The following CSMD1 variants were observed in gnomAD, a reference collection of about 807,000 sequenced individuals.
CSMD1 encodes CUB and sushi domain-containing protein 1.
A neutral mutation model predicts 417.5 loss-of-function variants in CSMD1; 213 were observed. The observed-to-expected ratio is 0.51, with a 90% CI of 0.46 to 0.57. The LOEUF is 0.57. CSMD1 is among the 20% of genes least tolerant of loss of function. CSMD1 has a pLI of 0.00. For missense variants in CSMD1, 6,923 were observed against 4,529.7 expected (o/e 1.53, Z -15.17); for synonymous variants, 2,862 against 1,736.8 (o/e 1.65, Z -16.11).
chr8:4,585,468 C>T (rs1275573783), intron 2 of CSMD1, among the ~76,000 whole-genome samples: 1 of 151,836 alleles, frequency 6.6e-6, no homozygotes, highest in Admixed American at 6.6e-5. Flanking sequence ...AACATTTCCT[C>T]ATAAGGAGAA....
At chr8:3,460,094 G>A (rs1043222458) in intron 12 of CSMD1, among the ~76,000 whole-genome samples, 2 of 152,124 alleles carry the variant, frequency 1.3e-5, no homozygotes, top group Non-Finnish European at 2.9e-5. Context: ...TGGGAAGAAA[G>A]GCAATTAAAC....
chr8:4,324,587 C>T (rs997851148), intron 3 of CSMD1, among the ~76,000 whole-genome samples: 3 of 152,186 alleles, frequency 2.0e-5, no homozygotes, highest in Non-Finnish European at 2.9e-5. Context: ...GATAAACCTA[C>T]TAGGAACAAG....
intron 2 of CSMD1, among the ~76,000 whole-genome samples, chr8:4,607,422 G>C (rs1274227075): frequency 6.6e-6 from 1 of 152,182 alleles, no homozygotes; most frequent in African/African-American, 2.4e-5. Flanking sequence ...AACTTCACGT[G>C]ACTAAGCAAA....
intron 2 of CSMD1, among the ~76,000 whole-genome samples, chr8:4,541,163 G>C (rs989764109): frequency 6.6e-6 from 1 of 152,116 alleles, no homozygotes; most frequent in Non-Finnish European, 1.5e-5. Context: ...AGTGGTGCCA[G>C]GGCTCAATTT....
intron 12 of CSMD1, among the ~76,000 whole-genome samples, chr8:3,453,792 A>T (rs1389896782): frequency 6.6e-6 from 1 of 152,144 alleles, no homozygotes; most frequent in Non-Finnish European, 1.5e-5. Context: ...TATTCTATTG[A>T]TTTGGGGGGG....
At chr8:3,339,170 A>AT (rs1451454160) in intron 23 of CSMD1, among the ~76,000 whole-genome samples, 1 of 151,884 alleles carries the variant, frequency 6.6e-6, no homozygotes, top group Non-Finnish European at 1.5e-5. Flanking sequence ...TGAACTCATC[A>AT]TTTTTTATGG....
chr8:3,709,645 C>G (rs1261319262), intron 6 of CSMD1, among the ~76,000 whole-genome samples: 1 of 138,706 alleles, frequency 7.2e-6, no homozygotes, highest in Admixed American at 8.3e-5. Flanking sequence ...GGCAAGACTT[C>G]CTCCTGCCTG....
At chr8:3,166,611 G>A (rs1214521133) in intron 37 of CSMD1, among the ~76,000 whole-genome samples, 1 of 152,134 alleles carries the variant, frequency 6.6e-6, no homozygotes, top group Non-Finnish European at 1.5e-5. Flanking sequence ...GAAGAACGAT[G>A]TTTGCATTGA....
chr8:4,202,028 T>G (rs992733008), intron 3 of CSMD1, among the ~76,000 whole-genome samples: 1 of 152,216 alleles, frequency 6.6e-6, no homozygotes, highest in Non-Finnish European at 1.5e-5. Flanking sequence ...AACGAGGACA[T>G]TGGAATCTCC....
rs139845892 is a variant in CSMD1, at chr8:4,969,683, G to C, written c.85+24649C>G. On this transcript the variant is annotated intron_variant, in intron 1 of 69. Coordinates refer to ENST00000635120, the MANE Select transcript of CSMD1 (RefSeq NM_033225.6). ...TGATTTCGAGGTGTGTCAATATTTTGGGGACTTGGAGGGAAGATTCCTGCG... is the reference window on the plus strand; with the variant it reads ...TGATTTCGAGGTGTGTCAATATTTTCGGGACTTGGAGGGAAGATTCCTGCG... Among the ~76,000 whole-genome samples, 7 of 151,962 alleles carry C rather than the reference G, an allele frequency of 4.6e-5. 1 individual carries two copies. The highest frequency in any genetic ancestry group is 1.0e-4 in the Non-Finnish European group (7 of 67,992).
chr8:4,991,651 T>G (rs2117481432), intron 1 of CSMD1, among the ~76,000 whole-genome samples: 1 of 152,164 alleles, frequency 6.6e-6, no homozygotes, highest in South Asian at 2.1e-4. Flanking sequence ...CGGTGGGCCC[T>G]GGAGCGCGCT....
intron 8 of CSMD1, among the ~76,000 whole-genome samples, chr8:3,587,223 C>A (rs1221778609): frequency 1.3e-5 from 2 of 152,208 alleles, no homozygotes; most frequent in Non-Finnish European, 2.9e-5. Flanking sequence ...TGTCACAGAA[C>A]ACAAACTGGA....
chr8:3,546,159 T>C (rs1014777523), intron 10 of CSMD1, among the ~76,000 whole-genome samples: 1 of 150,838 alleles, frequency 6.6e-6, no homozygotes, highest in African/African-American at 2.5e-5. Context: ...GGTCATCATG[T>C]ATTTGTTTGT....
At chr8:3,230,264 T>G (rs778218383) in intron 26 of CSMD1, 33 bp from the exon 27 acceptor site, 6 of 1,501,100 alleles carry the variant, frequency 4.0e-6, no homozygotes, top group Non-Finnish European at 5.4e-6. Context: ...GGTCACAGGC[T>G]GGAAAACATG....
rs370091433 is a variant in CSMD1 at position 4,626,338 on chromosome 8, CT to C, written c.302+11003del. 4.4e-3 allele frequency among the ~76,000 whole-genome samples: 659 copies of C among 150,578 alleles called. 14 individuals carry two copies. Among genetic ancestry groups the C allele is most frequent in the Admixed American group, 0.036 (537 of 15,098 alleles). On this transcript the variant is annotated intron_variant, in intron 2 of 69. Coordinates refer to ENST00000635120, the MANE Select transcript of CSMD1 (RefSeq NM_033225.6). Reference sequence around the variant, plus strand: ...CCTTGAAGCTGGGAGCCAGCCACACCTTTTTTTTTAATGCTACTGATTTCTA... The same window carrying C: ...CCTTGAAGCTGGGAGCCAGCCACACCTTTTTTTTAATGCTACTGATTTCTA...
chr8:3,700,340 G>T (rs1001517651), intron 7 of CSMD1, among the ~76,000 whole-genome samples: 2 of 152,170 alleles, frequency 1.3e-5, no homozygotes, highest in South Asian at 2.1e-4. Context: ...AGATGTGAGA[G>T]AAATGAAATG....
intron 6 of CSMD1, among the ~76,000 whole-genome samples, chr8:3,718,376 T>C (rs1236379332): frequency 8.5e-5 from 13 of 152,124 alleles, no homozygotes; most frequent in Non-Finnish European, 2.9e-5. Flanking sequence ...AACTACATTA[T>C]CAAATTTTAT....
At chr8:4,497,543 T>C (rs1802039191) in intron 2 of CSMD1, among the ~76,000 whole-genome samples, 2 of 152,288 alleles carry the variant, frequency 1.3e-5, no homozygotes, top group South Asian at 2.1e-4. Flanking sequence ...GTAGCTCCAC[T>C]GAGGAGCAGG....
At chr8:3,380,140 G>T (rs1810543988) in intron 18 of CSMD1, among the ~76,000 whole-genome samples, 2 of 152,166 alleles carry the variant, frequency 1.3e-5, no homozygotes, top group Non-Finnish European at 2.9e-5. Flanking sequence ...AAGAAAAAAA[G>T]CTCATCATCA....
Sources: allele counts gnomAD v4.1 joint callset (sites outside exome capture counted in the v4.1 genomes callset), GRCh38; gene constraint gnomAD v4.1.1; transcripts MANE v1.5; gene names NCBI Gene and HGNC (gene_info 2026-07-23, HGNC 2026-07-21).